Variants in CALCR observed in about 807,000 individuals in gnomAD.
The protein encoded by CALCR is calcitonin receptor.
A neutral mutation model predicts 59.5 loss-of-function variants in CALCR; 47 were observed. That is an observed-to-expected ratio of 0.79 (90% CI 0.63 to 1.01). The LOEUF (loss-of-function observed/expected upper bound fraction) is 1.01, where lower values mean the gene tolerates loss of function less well. Among genes scored for constraint, CALCR ranks in the 50% least tolerant of loss-of-function variants. The pLI is 0.00. For synonymous variants in CALCR, 213 were observed against 211.3 expected (o/e 1.01, Z -0.07); for missense variants, 566 against 597.1 (o/e 0.95, Z 0.54).
At chr7:93,457,387 GA>G (rs999115078) in intron 8 of CALCR, among the ~76,000 whole-genome samples, 13 of 152,018 alleles carry the variant, frequency 8.6e-5, no homozygotes, top group African/African-American at 3.1e-4. Context: ...AGCAAACTCA[GA>G]AAAAAACCTG....
intron 2 of CALCR, among the ~76,000 whole-genome samples, chr7:93,553,793 TTA>T (rs892283273): frequency 6.6e-6 from 1 of 152,172 alleles, no homozygotes; most frequent in African/African-American, 2.4e-5. Flanking sequence ...CTCCACAAAA[TTA>T]TATCATATTT....
rs370655240 is a variant in CALCR at position 93,505,332 on chromosome 7, A to T, written c.-26-18325T>A. Reference sequence around the variant, plus strand: ...TTGGTTGTGAAAATAGTCGTACTTTAACTTGGGACATGTGGAAGGATATGA... The same window carrying T: ...TTGGTTGTGAAAATAGTCGTACTTTTACTTGGGACATGTGGAAGGATATGA... On this transcript the variant is annotated intron_variant, in intron 2 of 13. Coordinates refer to ENST00000426151, the MANE Select transcript of CALCR (RefSeq NM_001742.4). Among the ~76,000 whole-genome samples the T allele has an allele frequency of 7.5e-4, 114 of 152,304 alleles. 3 individuals carry two copies. The South Asian group carries it at 0.023, about 31-fold the overall frequency.
intron 2 of CALCR, among the ~76,000 whole-genome samples, chr7:93,503,751 T>C (rs1428370084): frequency 6.6e-6 from 1 of 152,116 alleles, no homozygotes; most frequent in African/African-American, 2.4e-5. Context: ...CCTTAATTGC[T>C]TGGGTCTGCT....
chr7:93,552,638 C>T (rs1403662087), intron 2 of CALCR, among the ~76,000 whole-genome samples: 1 of 152,172 alleles, frequency 6.6e-6, no homozygotes, highest in Non-Finnish European at 1.5e-5. Context: ...TCTGTAATTA[C>T]TCCTCTTTGG....
intron 9 of CALCR, among the ~76,000 whole-genome samples, chr7:93,439,014 A>T (rs1799843886): frequency 6.6e-6 from 1 of 152,134 alleles, no homozygotes; most frequent in Admixed American, 6.5e-5. Context: ...TATAACCTAA[A>T]GTTGTAATTT....
chr7:93,460,481 G>A (rs1235445839), intron 8 of CALCR, among the ~76,000 whole-genome samples: 9 of 148,228 alleles, frequency 6.1e-5, no homozygotes, highest in Non-Finnish European at 8.9e-5. Context: ...GCTTGAACCC[G>A]GGAGGCGGAG....
intron 2 of CALCR, among the ~76,000 whole-genome samples, chr7:93,488,803 A>G (rs973144610): frequency 1.3e-5 from 2 of 151,736 alleles, no homozygotes; most frequent in Non-Finnish European, 2.9e-5. Context: ...AGACTCCCAC[A>G]CAATAATAGT....
chr7:93,458,598 T>C (rs538343114), intron 8 of CALCR, among the ~76,000 whole-genome samples: 1 of 152,260 alleles, frequency 6.6e-6, no homozygotes, highest in Admixed American at 6.5e-5. Context: ...GACTGGAATA[T>C]GAGAGTGAGT....
chr7:93,562,411 G>GAAC (rs144086474), intron 2 of CALCR, among the ~76,000 whole-genome samples: 152 of 151,166 alleles, frequency 1.0e-3, no homozygotes, highest in Middle Eastern at 6.8e-3. Flanking sequence ...TTATAAAAAG[G>GAAC]AACAACAACA....
intron 9 of CALCR, chr7:93,441,656 G>T (rs1048463336): frequency 4.1e-5 from 17 of 410,072 alleles, no homozygotes; most frequent in African/African-American, 3.6e-4. Flanking sequence ...GAACCAGCAG[G>T]ATAGTGATAG....
chr7:93,486,516 C>G (rs922568948), intron 3 of CALCR, among the ~76,000 whole-genome samples: 15 of 151,368 alleles, frequency 9.9e-5, no homozygotes, highest in African/African-American at 3.1e-4. Flanking sequence ...AAGAATTGAA[C>G]AGCCCAGATG....
chr7:93,516,315 T>G (rs903696100), intron 2 of CALCR, among the ~76,000 whole-genome samples: 1 of 151,934 alleles, frequency 6.6e-6, no homozygotes, highest in East Asian at 1.9e-4. Context: ...GCTAAGTTAT[T>G]TCATAAAGCT....
intron 2 of CALCR, among the ~76,000 whole-genome samples, chr7:93,539,449 G>A (rs1019831484): frequency 6.6e-6 from 1 of 151,902 alleles, no homozygotes; most frequent in Non-Finnish European, 1.5e-5. Flanking sequence ...GTAATACTGA[G>A]AAACGTAAAT....
rs13226124 is a variant in CALCR, at chr7:93,444,060, T to G, written c.649-303A>C. Reference sequence around the variant, plus strand: ...TTCCTGCAATTTGTCAGACTCATAATCTTAGGCACCATCTAAGGATTTGAT... The same window carrying G: ...TTCCTGCAATTTGTCAGACTCATAAGCTTAGGCACCATCTAAGGATTTGAT... On this transcript the variant is annotated intron_variant, in intron 8 of 13. Transcript: ENST00000426151. Among the ~76,000 whole-genome samples, 42,207 of 152,058 alleles carry G rather than the reference T, an allele frequency of 0.28. 6,283 individuals carry two copies. The highest frequency in any genetic ancestry group is 0.34 in the African/African-American group (14,148 of 41,474).
chr7:93,451,605 G>T (rs1175926444), intron 8 of CALCR, among the ~76,000 whole-genome samples: 2 of 151,832 alleles, frequency 1.3e-5, no homozygotes, highest in East Asian at 1.9e-4. Context: ...TGATGGAAAG[G>T]GTCCCACTTC....
intron 2 of CALCR, among the ~76,000 whole-genome samples, chr7:93,526,275 G>A (rs186502263): frequency 3.9e-5 from 6 of 152,224 alleles, no homozygotes; most frequent in Admixed American, 2.6e-4. Flanking sequence ...CAGTAACACA[G>A]CATGGATGAG....
chr7:93,553,251 G>A (rs1293874087), intron 2 of CALCR, among the ~76,000 whole-genome samples: 1 of 149,344 alleles, frequency 6.7e-6, no homozygotes, highest in African/African-American at 2.5e-5. Flanking sequence ...TCCACCAAAG[G>A]TGCAAATCAG....
chr7:93,438,348 T>C (rs1041966881), intron 9 of CALCR, 78 bp from the exon 10 acceptor site: 8 of 1,065,506 alleles, frequency 7.5e-6, no homozygotes, highest in Non-Finnish European at 1.2e-5. Context: ...ACAATGGTAG[T>C]GTACTTGCAA....
intron 2 of CALCR, among the ~76,000 whole-genome samples, chr7:93,494,510 T>C (rs1470708938): frequency 6.6e-6 from 1 of 151,480 alleles, no homozygotes; most frequent in East Asian, 1.9e-4. Context: ...ACAATTTCTT[T>C]TGTTTTGCCT....
Sources: gnomAD v4.1 joint callset for allele counts (sites outside exome capture counted in the v4.1 genomes callset) on GRCh38, gnomAD v4.1.1 for gene constraint, MANE v1.5 for transcripts, NCBI Gene and HGNC (gene_info 2026-07-23, HGNC 2026-07-21) for gene names.